The following IFRD1 variants were observed in gnomAD, a reference collection of about 807,000 sequenced individuals.
IFRD1 encodes interferon-related developmental regulator 1.
IFRD1 carries 35 observed loss-of-function variants against 52.9 expected under a neutral mutation model. The observed-to-expected ratio is 0.66, with a 90% CI of 0.51 to 0.88. The LOEUF (loss-of-function observed/expected upper bound fraction) is 0.88. IFRD1 is among the 40% of genes least tolerant of loss of function. IFRD1 has a pLI of 0.00. For synonymous variants in IFRD1, 184 were observed against 188.4 expected, an observed-to-expected ratio of 0.98 and a Z score of 0.19; for missense variants, 517 against 550.8, an observed-to-expected ratio of 0.94 and a Z score of 0.61.
intron 1 of IFRD1, among the ~76,000 whole-genome samples, chr7:112,429,480 G>T (rs1211393341): frequency 6.6e-6 from 1 of 152,190 alleles, no homozygotes; most frequent in Non-Finnish European, 1.5e-5. Context: ...AGTCACAGAG[G>T]TGTGCTGGAC....
At chr7:112,473,083 T>C (rs1584504696) in intron 11 of IFRD1, among the ~76,000 whole-genome samples, 1 of 151,442 alleles carries the variant, frequency 6.6e-6, no homozygotes, top group East Asian at 1.9e-4. Context: ...TGTGTCAGCC[T>C]GGGTGACACG....
chr7:112,433,752 G>C (rs1794599708), intron 1 of IFRD1, among the ~76,000 whole-genome samples: 1 of 152,236 alleles, frequency 6.6e-6, no homozygotes, highest in Non-Finnish European at 1.5e-5. Context: ...GCAAGATGGA[G>C]TCAGGTCAGA....
At chr7:112,455,959 T>G (rs1194813456) in intron 2 of IFRD1, 43 bp from the exon 3 acceptor site, 1 of 1,485,784 alleles carries the variant, frequency 6.7e-7, no homozygotes, top group Non-Finnish European at 9.4e-7. Context: ...TTCCCTGTTT[T>G]TTTTCTTTTA....
intron 1 of IFRD1, among the ~76,000 whole-genome samples, chr7:112,436,358 A>T (rs1794690869): frequency 1.3e-5 from 2 of 152,222 alleles, no homozygotes; most frequent in Non-Finnish European, 2.9e-5. Flanking sequence ...ACACATGCCA[A>T]GTATTTTGCT....
intron 1 of IFRD1, among the ~76,000 whole-genome samples, chr7:112,438,997 A>G (rs1315121089): frequency 1.3e-5 from 2 of 152,242 alleles, no homozygotes; most frequent in Non-Finnish European, 2.9e-5. Context: ...AACAACAACA[A>G]GAACAGTAAC....
chr7:112,472,946 T>C, intron 11 of IFRD1, 85 bp downstream of exon 11: 1 of 896,870 alleles, frequency 1.1e-6, no homozygotes, highest in Non-Finnish European at 1.9e-6. Flanking sequence ...TGTGTCTACC[T>C]ATATGTGGAG....
intron 8 of IFRD1, among the ~76,000 whole-genome samples, chr7:112,463,901 G>A (rs1490357058): frequency 4.9e-5 from 7 of 142,182 alleles, no homozygotes; most frequent in Non-Finnish European, 7.6e-5. Flanking sequence ...CACACCCCAC[G>A]TATCTTTTCT....
upstream of IFRD1, among the ~76,000 whole-genome samples, chr7:112,447,235 T>TA (rs1381137329): frequency 6.6e-6 from 1 of 152,230 alleles, no homozygotes; most frequent in Non-Finnish European, 1.5e-5. Context: ...TGAGTATACT[T>TA]ACCCTGATGG....
chr7:112,460,054 G>A (rs1795395796), intron 5 of IFRD1, among the ~76,000 whole-genome samples: 1 of 152,140 alleles, frequency 6.6e-6, no homozygotes, highest in South Asian at 2.1e-4. Flanking sequence ...ATAATTTCAT[G>A]CTAGAATGAC....
chr7:112,445,129 C>G (rs942286358), intron 1 of IFRD1, among the ~76,000 whole-genome samples: 8 of 145,364 alleles, frequency 5.5e-5, no homozygotes, highest in African/African-American at 1.0e-4. Flanking sequence ...TGCAGTGGCG[C>G]AATCTCGGCT....
chr7:112,462,458 G>A (rs1453090928), intron 8 of IFRD1, 80 bp downstream of exon 8: 2 of 979,696 alleles, frequency 2.0e-6, no homozygotes, highest in South Asian at 2.6e-5. Flanking sequence ...TGAGAATTGG[G>A]CAATAACTTT....
intron 1 of IFRD1, among the ~76,000 whole-genome samples, chr7:112,453,205 A>G (rs549636247): frequency 1.1e-4 from 17 of 152,142 alleles, no homozygotes; most frequent in African/African-American, 4.1e-4. Context: ...TATTTTTTTT[A>G]TGTTAGTGGA....
chr7:112,470,246 G>A (rs1584501927), intron 9 of IFRD1, among the ~76,000 whole-genome samples: 1 of 152,342 alleles, frequency 6.6e-6, no homozygotes, highest in Admixed American at 6.5e-5. Flanking sequence ...ATACAGAATA[G>A]TTAAGTAGCA....
At position 112,473,029 on chromosome 7, in the gene IFRD1, CGT is replaced by C. The variant is rs74273594; in HGVS notation, c.1266+205_1266+206del. ...CAGAAAGCATTTAGAGTGTGGGGGGCGTGTGTGTGTGTGTGTGTGTGTGTGTG... is the reference window on the plus strand; with the variant it reads ...CAGAAAGCATTTAGAGTGTGGGGGGCGTGTGTGTGTGTGTGTGTGTGTGTG... On this transcript the variant is annotated intron_variant, in intron 11 of 11. Coordinates refer to ENST00000403825, the MANE Select transcript of IFRD1 (RefSeq NM_001550.4). 9.3e-3 allele frequency among the ~76,000 whole-genome samples: 1,067 copies of C among 115,104 alleles called. 8 individuals are homozygous for C. Among genetic ancestry groups the C allele is most frequent in the East Asian group, 0.028 (117 of 4,216 alleles). 75.5% of individuals were successfully genotyped at this position (115,104 alleles called of 152,430 possible). A position where few individuals can be genotyped will look rare whatever the true frequency, so the allele number is the denominator to read the frequency against.
chr7:112,471,266 G>C (rs1250055996), intron 9 of IFRD1, among the ~76,000 whole-genome samples: 1 of 152,046 alleles, frequency 6.6e-6, no homozygotes, highest in Admixed American at 6.6e-5. Context: ...CCCATTTTAC[G>C]GGCAAGGGAA....
At chr7:112,434,886 A>C (rs535161469) in intron 1 of IFRD1, among the ~76,000 whole-genome samples, 3 of 152,182 alleles carry the variant, frequency 2.0e-5, no homozygotes, top group Non-Finnish European at 4.4e-5. Context: ...CACTTTCCAT[A>C]GACATTGAAA....
At chr7:112,455,184 T>TA (rs1409328385) in intron 1 of IFRD1, among the ~76,000 whole-genome samples, 2 of 151,404 alleles carry the variant, frequency 1.3e-5, no homozygotes, top group Non-Finnish European at 2.9e-5. Context: ...TTTTGTGTCA[T>TA]AAAAAAATGA....
intron 11 of IFRD1, 67 bp from the exon 12 acceptor site, chr7:112,475,363 C>G: frequency 1.2e-6 from 1 of 866,836 alleles, no homozygotes; most frequent in South Asian, 1.4e-5. Context: ...TGACTTTTAC[C>G]CTTTTTCTGT....
At chr7:112,472,498 A>C in intron 10 of IFRD1, 151 bp downstream of exon 10, 1 of 920,208 alleles carries the variant, frequency 1.1e-6, no homozygotes. Context: ...AGACTTGAAT[A>C]AATCTGAAGC....
Sources: gnomAD v4.1 joint callset for allele counts (sites outside exome capture counted in the v4.1 genomes callset) on GRCh38, gnomAD v4.1.1 for gene constraint, MANE v1.5 for transcripts, NCBI Gene and HGNC (gene_info 2026-07-23, HGNC 2026-07-21) for gene names.